The following WARS2 variants were observed in gnomAD, a reference collection of about 807,000 sequenced individuals.
WARS2 encodes the protein tryptophan--tRNA ligase, mitochondrial.
In WARS2, 28 loss-of-function variants were observed where a neutral mutation model predicts 36.5. The observed-to-expected ratio is 0.77, with a 90% CI of 0.57 to 1.05. The LOEUF (loss-of-function observed/expected upper bound fraction) is 1.05. WARS2 is among the 50% of genes least tolerant of loss of function. The pLI is 0.00. For missense variants in WARS2, 435 were observed against 456.8 expected, an observed-to-expected ratio of 0.95 and a Z score of 0.44; for synonymous variants, 174 against 178.4, an observed-to-expected ratio of 0.98 and a Z score of 0.20.
chr1:119,095,653 G>A (rs986914234), intron 1 of WARS2, among the ~76,000 whole-genome samples: 33 of 152,218 alleles, frequency 2.2e-4, no homozygotes, highest in South Asian at 8.3e-4. Flanking sequence ...GGCTGGTCTT[G>A]AACTCCTGAC....
intron 1 of WARS2, among the ~76,000 whole-genome samples, chr1:119,105,304 G>C (rs1408460734): frequency 6.6e-6 from 1 of 152,166 alleles, no homozygotes; most frequent in Non-Finnish European, 1.5e-5. Context: ...TTCTATTTTG[G>C]ACAAGTTTAA....
chr1:119,117,954 C>T (rs1245529323), intron 1 of WARS2, among the ~76,000 whole-genome samples: 2 of 152,146 alleles, frequency 1.3e-5, no homozygotes, highest in Non-Finnish European at 2.9e-5. Flanking sequence ...CATATCTTTC[C>T]ACTGAAACAG....
chr1:119,124,055 T>C (rs986144309), intron 1 of WARS2, among the ~76,000 whole-genome samples: 19 of 152,256 alleles, frequency 1.2e-4, no homozygotes, highest in Admixed American at 8.5e-4. Flanking sequence ...ATCGTGTTAC[T>C]GTTGCATTAT....
chr1:119,057,740 A>C (rs1649961111), intron 2 of WARS2, among the ~76,000 whole-genome samples: 1 of 151,686 alleles, frequency 6.6e-6, no homozygotes, highest in South Asian at 2.1e-4. Flanking sequence ...CAGTGAGCCG[A>C]GATCCCACCA....
chr1:119,065,744 A>C (rs1410983141), intron 2 of WARS2, among the ~76,000 whole-genome samples: 2 of 152,190 alleles, frequency 1.3e-5, no homozygotes, highest in Non-Finnish European at 2.9e-5. Flanking sequence ...AAAATTTATC[A>C]AGAGGAAACA....
intron 1 of WARS2, among the ~76,000 whole-genome samples, chr1:119,114,927 A>G (rs1317126581): frequency 3.3e-5 from 5 of 152,158 alleles, no homozygotes; most frequent in Non-Finnish European, 7.4e-5. Context: ...CTCAGAGGAG[A>G]CTAGAAGACA....
intron 2 of WARS2, among the ~76,000 whole-genome samples, chr1:119,057,396 G>A (rs565357812): frequency 6.5e-4 from 98 of 151,404 alleles, no homozygotes; most frequent in African/African-American, 2.2e-3. Context: ...CTCCCTCCTC[G>A]GCCTTCCAAA....
intron 1 of WARS2, among the ~76,000 whole-genome samples, chr1:119,078,959 C>T (rs977465867): frequency 6.6e-5 from 10 of 151,656 alleles, no homozygotes; most frequent in African/African-American, 2.4e-4. Context: ...CACACACACA[C>T]ACACATATGC....
intron 2 of WARS2, among the ~76,000 whole-genome samples, chr1:119,075,356 G>A (rs897983984): frequency 6.6e-6 from 1 of 152,112 alleles, no homozygotes; most frequent in African/African-American, 2.4e-5. Context: ...ATGCAAATAT[G>A]ATTCCATTTT....
At chr1:119,042,413 G>A in intron 3 of WARS2, 64 bp from the exon 4 acceptor site, 2 of 1,457,472 alleles carry the variant, frequency 1.4e-6, no homozygotes, top group South Asian at 1.1e-5. Context: ...TAATTATACT[G>A]CTAGATTAAG....
At chr1:119,102,294 T>G (rs915559060) in intron 1 of WARS2, among the ~76,000 whole-genome samples, 6 of 152,222 alleles carry the variant, frequency 3.9e-5, no homozygotes, top group Non-Finnish European at 8.8e-5. Flanking sequence ...TAGAACTAAT[T>G]TTAAATCTCC....
At chr1:119,034,245 C>A (rs1381455115) in intron 4 of WARS2, 32 bp from the exon 5 acceptor site, 4 of 1,559,160 alleles carry the variant, frequency 2.6e-6, no homozygotes, top group African/African-American at 1.4e-5. Context: ...AAAACAACAG[C>A]AAGGCTCTTT....
chr1:119,136,358 T>C (rs1219490603), intron 1 of WARS2, among the ~76,000 whole-genome samples: 1 of 152,226 alleles, frequency 6.6e-6, no homozygotes, highest in African/African-American at 2.4e-5. Flanking sequence ...GTAGTTTTCA[T>C]TAGCTCCTCA....
chr1:119,117,299 A>C (rs1655035450), intron 1 of WARS2, among the ~76,000 whole-genome samples: 1 of 152,172 alleles, frequency 6.6e-6, no homozygotes, highest in African/African-American at 2.4e-5. Context: ...GTCTGAGCTC[A>C]GACTTGCCTA....
chr1:119,134,428 T>C, intron 1 of WARS2, among the ~76,000 whole-genome samples: 1 of 150,912 alleles, frequency 6.6e-6, no homozygotes, highest in East Asian at 1.9e-4. Context: ...GCAGTAGCTC[T>C]AGAAAAAAAA....
Position 119,068,000 on chromosome 1 carries a change from A to C in WARS2, c.348+8350T>G, listed in dbSNP as rs1651010894. Among the ~76,000 whole-genome samples, 2 of 152,210 alleles carry C rather than the reference A, an allele frequency of 1.3e-5. 1 individual carries two copies. The highest frequency in any genetic ancestry group is 4.1e-4 in the South Asian group (2 of 4,832). On this transcript the variant is annotated intron_variant, in intron 2 of 5. Transcript: ENST00000235521. Reference sequence around the variant, plus strand: ...TTGGAAACTGTGGAGAAGGAAATACATGCAGAGTTTGATGATATAATAATT... The same window carrying C: ...TTGGAAACTGTGGAGAAGGAAATACCTGCAGAGTTTGATGATATAATAATT...
chr1:119,094,323 T>C (rs1653262544), intron 1 of WARS2, among the ~76,000 whole-genome samples: 1 of 152,202 alleles, frequency 6.6e-6, no homozygotes, highest in Non-Finnish European at 1.5e-5. Context: ...GCAGTATGGA[T>C]GGCATGCGCT....
At chr1:119,046,102 T>C (rs1270864365) in intron 2 of WARS2, among the ~76,000 whole-genome samples, 1 of 152,252 alleles carries the variant, frequency 6.6e-6, no homozygotes, top group African/African-American at 2.4e-5. Flanking sequence ...AAAGCAGCTA[T>C]AGTACTTTAC....
intron 2 of WARS2, among the ~76,000 whole-genome samples, chr1:119,057,793 G>GA (rs914039403): frequency 3.5e-5 from 5 of 143,876 alleles, no homozygotes; most frequent in African/African-American, 5.1e-5. Flanking sequence ...CATCTGAGAA[G>GA]AAAAAAAAAA....
Sources: gnomAD v4.1 joint callset for allele counts (sites outside exome capture counted in the v4.1 genomes callset) on GRCh38, gnomAD v4.1.1 for gene constraint, MANE v1.5 for transcripts, NCBI Gene and HGNC (gene_info 2026-07-23, HGNC 2026-07-21) for gene names.